PPP3CA: variants seen among roughly 807,000 people sequenced by gnomAD.
The protein encoded by PPP3CA is CAM-PRP catalytic subunit.
A neutral mutation model predicts 66.5 loss-of-function variants in PPP3CA; 14 were observed. The observed-to-expected ratio is 0.21, with a 90% CI of 0.14 to 0.33. PPP3CA has a LOEUF of 0.33. Among genes scored for constraint, PPP3CA ranks in the 10% least tolerant of loss-of-function variants. PPP3CA has a pLI of 1.00. For synonymous variants in PPP3CA, 232 were observed against 226.2 expected, an observed-to-expected ratio of 1.03 and a Z score of -0.23; for missense variants, 317 against 639.5, an observed-to-expected ratio of 0.50 and a Z score of 5.44.
At chr4:101,300,014 A>G (rs532302672) in intron 1 of PPP3CA, among the ~76,000 whole-genome samples, 3 of 152,352 alleles carry the variant, frequency 2.0e-5, no homozygotes, top group African/African-American at 7.2e-5. Flanking sequence ...TTAAAATTAA[A>G]ACAATATAAT....
chr4:101,032,394 CTT>C, intron 11 of PPP3CA, 30 bp from the exon 12 acceptor site: 1 of 1,541,520 alleles, frequency 6.5e-7, no homozygotes, highest in Non-Finnish European at 8.9e-7. Flanking sequence ...GCGACATTAA[CTT>C]TTAATTTCTT....
At chr4:101,139,343 G>C (rs1484399211) in intron 2 of PPP3CA, among the ~76,000 whole-genome samples, 1 of 83,198 alleles carries the variant, frequency 1.2e-5, no homozygotes, top group Non-Finnish European at 2.0e-5. Context: ...GTGAGACTCC[G>C]TCTCAAAAAA....
At chr4:101,049,077 C>T (rs181381212) in intron 10 of PPP3CA, among the ~76,000 whole-genome samples, 16 of 152,232 alleles carry the variant, frequency 1.1e-4, no homozygotes. Flanking sequence ...ACAGACTACA[C>T]TCAAATGCCC....
intron 1 of PPP3CA, among the ~76,000 whole-genome samples, chr4:101,269,906 T>C (rs937593582): frequency 5.3e-5 from 8 of 152,160 alleles, no homozygotes; most frequent in African/African-American, 1.9e-4. Flanking sequence ...CAGGAACATG[T>C]GAACATTTCA....
chr4:101,160,791 G>T (rs1305171745), intron 2 of PPP3CA, among the ~76,000 whole-genome samples: 1 of 152,004 alleles, frequency 6.6e-6, no homozygotes, highest in Non-Finnish European at 1.5e-5. Flanking sequence ...GAATATGTAT[G>T]TGAGTGAAGG....
rs138995359 is a variant in PPP3CA, at chr4:101,193,922, C to A, written c.259+1994G>T. Among the ~76,000 whole-genome samples the A allele has an allele frequency of 2.5e-3, 382 of 152,238 alleles. 2 individuals are homozygous for A. Among genetic ancestry groups the A allele is most frequent in the African/African-American group, 9.0e-3 (372 of 41,538 alleles). On this transcript the variant is annotated intron_variant, in intron 2 of 13. Coordinates refer to ENST00000394854, the MANE Select transcript of PPP3CA (RefSeq NM_000944.5). Reference sequence around the variant, plus strand: ...CTTCTCTAAACATCTGAGACTGAAACATTTTTATTAATAAAAAGTAGGAGG... The same window carrying A: ...CTTCTCTAAACATCTGAGACTGAAAAATTTTTATTAATAAAAAGTAGGAGG...
At chr4:101,267,354 T>C (rs1267559392) in intron 1 of PPP3CA, among the ~76,000 whole-genome samples, 1 of 152,190 alleles carries the variant, frequency 6.6e-6, no homozygotes, top group African/African-American at 2.4e-5. Flanking sequence ...TAAAGATTTC[T>C]TTCCAACCAA....
At chr4:101,167,453 T>G (rs565822467) in intron 2 of PPP3CA, among the ~76,000 whole-genome samples, 2 of 152,338 alleles carry the variant, frequency 1.3e-5, no homozygotes, top group Admixed American at 1.3e-4. Context: ...TACCAAGAGC[T>G]TAATATATGT....
chr4:101,125,700 C>T (rs767590531), intron 2 of PPP3CA, among the ~76,000 whole-genome samples: 2 of 152,110 alleles, frequency 1.3e-5, no homozygotes, highest in Non-Finnish European at 2.9e-5. Context: ...AGTAGCCATT[C>T]CAGTGCCTTG....
chr4:101,219,337 C>A (rs544984569), intron 1 of PPP3CA, among the ~76,000 whole-genome samples: 1 of 152,022 alleles, frequency 6.6e-6, no homozygotes, highest in African/African-American at 2.4e-5. Context: ...TGCAGATACA[C>A]AGAAGTACAA....
intron 8 of PPP3CA, among the ~76,000 whole-genome samples, chr4:101,066,930 G>T (rs904443545): frequency 2.0e-5 from 3 of 152,114 alleles, no homozygotes; most frequent in Non-Finnish European, 2.9e-5. Flanking sequence ...CACCTCCTGA[G>T]ACCTTGTCTG....
At chr4:101,209,810 A>C (rs1259616693) in intron 1 of PPP3CA, among the ~76,000 whole-genome samples, 1 of 152,202 alleles carries the variant, frequency 6.6e-6, no homozygotes, top group African/African-American at 2.4e-5. Flanking sequence ...TCAAGAGCCC[A>C]CCAAAATTAG....
intron 1 of PPP3CA, among the ~76,000 whole-genome samples, chr4:101,309,173 G>A (rs1208502077): frequency 6.6e-6 from 1 of 151,996 alleles, no homozygotes; most frequent in African/African-American, 2.4e-5. Context: ...CCCAACCCCA[G>A]CCCCACCTTC....
intron 1 of PPP3CA, among the ~76,000 whole-genome samples, chr4:101,312,608 G>A (rs1728763811): frequency 6.6e-6 from 1 of 151,870 alleles, no homozygotes; most frequent in African/African-American, 2.4e-5. Context: ...AGACTTATGT[G>A]AAAAATTTAA....
At chr4:101,200,071 T>G (rs1185056662) in intron 1 of PPP3CA, among the ~76,000 whole-genome samples, 2 of 152,038 alleles carry the variant, frequency 1.3e-5, no homozygotes, top group African/African-American at 4.8e-5. Context: ...ACCACAAACA[T>G]GTGTTCAGTA....
intron 1 of PPP3CA, among the ~76,000 whole-genome samples, chr4:101,278,134 A>AT (rs1727565513): frequency 3.4e-5 from 5 of 146,254 alleles, no homozygotes; most frequent in African/African-American, 1.1e-4. Flanking sequence ...AAAAAAAAAA[A>AT]AAAAATAAAA....
chr4:101,180,392 A>C (rs1724196919), intron 2 of PPP3CA, among the ~76,000 whole-genome samples: 1 of 152,116 alleles, frequency 6.6e-6, no homozygotes, highest in Non-Finnish European at 1.5e-5. Context: ...ATCATAACTG[A>C]GACAAAAAAG....
intron 2 of PPP3CA, among the ~76,000 whole-genome samples, chr4:101,137,325 G>C (rs542551993): frequency 5.9e-5 from 9 of 152,226 alleles, no homozygotes; most frequent in Admixed American, 1.3e-4. Flanking sequence ...GGGGGGAGTA[G>C]TAGGGAATCT....
At chr4:101,346,169 T>G (rs1729983734) in intron 1 of PPP3CA, among the ~76,000 whole-genome samples, 1 of 150,936 alleles carries the variant, frequency 6.6e-6, no homozygotes, top group Non-Finnish European at 1.5e-5. Flanking sequence ...TCGCGAGTCC[T>G]GTGCAGGCCC....
Sources: allele counts gnomAD v4.1 joint callset (sites outside exome capture counted in the v4.1 genomes callset), GRCh38; gene constraint gnomAD v4.1.1; transcripts MANE v1.5; gene names NCBI Gene and HGNC (gene_info 2026-07-23, HGNC 2026-07-21).